Variants in CHIC2 observed in about 807,000 individuals in gnomAD.
The protein encoded by CHIC2 is cysteine rich hydrophobic domain 2, also known as cysteine-rich hydrophobic domain-containing protein 2.
Under a neutral mutation model 25.9 loss-of-function variants are expected in CHIC2, and 14 were observed. That is an observed-to-expected ratio of 0.54 (90% confidence interval 0.36 to 0.85). The LOEUF (loss-of-function observed/expected upper bound fraction) is 0.85, where lower values mean the gene tolerates loss of function less well. CHIC2 is among the 40% of genes least tolerant of loss of function. The pLI, the probability that CHIC2 is intolerant of heterozygous loss-of-function variation, is 0.01. For synonymous variants in CHIC2, 70 were observed against 72.0 expected, an observed-to-expected ratio of 0.97 and a Z score of 0.14; for missense variants, 146 against 202.0, an observed-to-expected ratio of 0.72 and a Z score of 1.68.
intron 3 of CHIC2, among the ~76,000 whole-genome samples, chr4:54,042,576 G>A (rs1472276515): frequency 6.6e-6 from 1 of 152,034 alleles, no homozygotes; most frequent in African/African-American, 2.4e-5. Context: ...AAAACTCTTA[G>A]GATTTTCTGG....
chr4:54,072,264 T>G, the CHIC2 span, among the ~76,000 whole-genome samples: 1 of 151,156 alleles, frequency 6.6e-6, no homozygotes, highest in Non-Finnish European at 1.5e-5. Context: ...ATTGCGCCAC[T>G]GCACTCCAGC....
upstream of CHIC2, among the ~76,000 whole-genome samples, chr4:54,069,470 G>T (rs1246749716): frequency 6.6e-6 from 1 of 152,236 alleles, no homozygotes; most frequent in African/African-American, 2.4e-5. Context: ...ATGAGTTCTT[G>T]TTCATCTCCC....
chr4:54,044,819 G>A (rs1344154510), intron 3 of CHIC2, among the ~76,000 whole-genome samples: 1 of 152,052 alleles, frequency 6.6e-6, no homozygotes, highest in Non-Finnish European at 1.5e-5. Context: ...GAAGGAAATA[G>A]AGACACAAAA....
chr4:54,033,963 T>C (rs182847748), intron 3 of CHIC2, among the ~76,000 whole-genome samples: 1 of 152,294 alleles, frequency 6.6e-6, no homozygotes, highest in Admixed American at 6.5e-5. Context: ...GTATTCCCTT[T>C]TCAGAGTTGT....
chr4:54,074,559 CTA>C, the CHIC2 span, among the ~76,000 whole-genome samples: 1 of 151,290 alleles, frequency 6.6e-6, no homozygotes, highest in South Asian at 2.1e-4. Context: ...GAAGTTGTTT[CTA>C]TGTTCTCCCA....
rs767608099 is a variant in CHIC2 at position 54,049,096 on chromosome 4, T to C, written c.189A>G (p.Glu63=). ...SSLTGKVAPE[E]FKASINRVNS... The stretch of plus-strand genomic sequence containing the variant: ...TAACTCTGTTGATGCTGGCTTTAAA[T>C]TCTTCAGGAGCTACCTAAAGAAAAA... Residue 63 remains glutamate (E), a synonymous_variant, in exon 3 of 6, where the codon GAA becomes GAG. Transcript: ENST00000263921. The C allele has an allele frequency of 2.2e-5, 36 of 1,605,728 alleles. No individual in the cohort carries two copies. In the East Asian group the frequency reaches 3.6e-4, roughly 16 times the overall value.
chr4:54,061,973 T>C (rs1717347748), intron 1 of CHIC2, among the ~76,000 whole-genome samples: 1 of 152,194 alleles, frequency 6.6e-6, no homozygotes, highest in Non-Finnish European at 1.5e-5. Flanking sequence ...GAAAACTATA[T>C]CTGAGGAGGA....
At chr4:54,040,444 G>C (rs1195916883) in intron 3 of CHIC2, among the ~76,000 whole-genome samples, 1 of 151,630 alleles carries the variant, frequency 6.6e-6, no homozygotes, top group Admixed American at 6.6e-5. Flanking sequence ...GCTCACACCT[G>C]AATCTCAGCA....
the CHIC2 span, among the ~76,000 whole-genome samples, chr4:54,070,244 G>A: frequency 6.6e-6 from 1 of 152,200 alleles, no homozygotes; most frequent in Non-Finnish European, 1.5e-5. Context: ...AGTGAGGAAG[G>A]CAGAGCCAGA....
At chr4:54,035,966 A>G (rs1716371173) in intron 3 of CHIC2, among the ~76,000 whole-genome samples, 1 of 152,192 alleles carries the variant, frequency 6.6e-6, no homozygotes, top group South Asian at 2.1e-4. Context: ...TGAGTTATTT[A>G]GAAGCATTTT....
At chr4:54,044,889 G>C (rs1220091138) in intron 3 of CHIC2, among the ~76,000 whole-genome samples, 2 of 151,930 alleles carry the variant, frequency 1.3e-5, no homozygotes, top group Non-Finnish European at 2.9e-5. Context: ...CAACAAAATT[G>C]ATAGACCGCT....
At chr4:54,043,448 T>C (rs1348820083) in intron 3 of CHIC2, among the ~76,000 whole-genome samples, 1 of 150,614 alleles carries the variant, frequency 6.6e-6, no homozygotes. Context: ...AAGAAACACT[T>C]GATCACTTGG....
rs185394415 is a variant in CHIC2 at position 54,040,590 on chromosome 4, A to G, written c.330+8365T>C. 7.3e-3 allele frequency among the ~76,000 whole-genome samples: 1,095 copies of G among 150,890 alleles called. 13 individuals are homozygous for G. The highest frequency in any genetic ancestry group is 0.024 in the African/African-American group (987 of 41,050). ...GTGTCAGGAGCCTGTAATTCCAGCT[A>G]CTCCGGAGGCTGAGGCAAGAGAATC... On this transcript the variant is annotated intron_variant, in intron 3 of 5. Coordinates refer to ENST00000263921, the MANE Select transcript of CHIC2 (RefSeq NM_012110.4).
At chr4:54,027,875 A>G (rs1157150175) in intron 3 of CHIC2, among the ~76,000 whole-genome samples, 1 of 152,216 alleles carries the variant, frequency 6.6e-6, no homozygotes, top group Non-Finnish European at 1.5e-5. Flanking sequence ...AACCTAATAA[A>G]TAACTTTTCA....
Position 54,010,003 on chromosome 4 carries a change from G to A in CHIC2, c.*92C>T. 2.7e-6 allele frequency: 2 copies of A among 734,726 alleles called. No individual in the cohort carries two copies. Among genetic ancestry groups the A allele is most frequent in the South Asian group, 1.9e-5 (1 of 52,098 alleles). The allele number at this position is 734,726 out of a possible 1,614,324, so 45.5% of individuals were successfully genotyped here. On this transcript the variant is annotated 3_prime_UTR_variant, in exon 6 of 6. Transcript: ENST00000263921. ...AAAAAAAACACCACACGATTCTGTAGAACCAATGTTATGTCACCACCAGGA... is the reference window on the plus strand; with the variant it reads ...AAAAAAAACACCACACGATTCTGTAAAACCAATGTTATGTCACCACCAGGA...
intron 3 of CHIC2, among the ~76,000 whole-genome samples, chr4:54,024,252 G>A (rs538067047): frequency 7.9e-5 from 12 of 152,186 alleles, no homozygotes; most frequent in East Asian, 3.9e-4. Context: ...GTTACAAGCC[G>A]CTAGCCCATC....
intron 1 of CHIC2, among the ~76,000 whole-genome samples, chr4:54,057,355 T>C (rs1221375598): frequency 1.3e-5 from 2 of 152,166 alleles, no homozygotes; most frequent in South Asian, 2.1e-4. Context: ...TTTCAAGACA[T>C]TATCCCCTTT....
chr4:54,011,237 G>A (rs1204236804), intron 5 of CHIC2, among the ~76,000 whole-genome samples: 1 of 151,936 alleles, frequency 6.6e-6, no homozygotes, highest in Non-Finnish European at 1.5e-5. Context: ...AGTTCTCCTG[G>A]CTTTTGATCT....
intron 5 of CHIC2, among the ~76,000 whole-genome samples, chr4:54,011,713 C>T (rs1715594336): frequency 6.6e-6 from 1 of 151,898 alleles, no homozygotes; most frequent in Non-Finnish European, 1.5e-5. Context: ...ATAATATATT[C>T]TACAAATTTT....
Sources: allele counts gnomAD v4.1 joint callset (sites outside exome capture counted in the v4.1 genomes callset), GRCh38; gene constraint gnomAD v4.1.1; transcripts MANE v1.5; gene names NCBI Gene and HGNC (gene_info 2026-07-23, HGNC 2026-07-21).